The following EFCAB11 variants were observed in gnomAD, a reference collection of about 807,000 sequenced individuals.
The protein encoded by EFCAB11 is EF-hand calcium-binding domain-containing protein 11.
Under a neutral mutation model 23.0 loss-of-function variants are expected in EFCAB11, and 14 were observed. The ratio of observed to expected loss-of-function variants is 0.61; its 90% confidence interval spans 0.40 to 0.95. The LOEUF is 0.95. EFCAB11 is among the 40% of genes least tolerant of loss of function. The pLI is 0.00. For missense variants in EFCAB11, 198 were observed against 195.8 expected (o/e 1.01, Z -0.07); for synonymous variants, 65 against 66.6 (o/e 0.98, Z 0.11).
At chr14:89,858,875 A>G (rs547343312) in intron 5 of EFCAB11, among the ~76,000 whole-genome samples, 2 of 152,228 alleles carry the variant, frequency 1.3e-5, no homozygotes, top group Admixed American at 1.3e-4. Flanking sequence ...AATACGATAT[A>G]CATAAGAGTG....
intron 5 of EFCAB11, among the ~76,000 whole-genome samples, chr14:89,807,690 T>C (rs892164815): frequency 1.3e-4 from 20 of 152,216 alleles, no homozygotes; most frequent in Non-Finnish European, 4.4e-5. Context: ...AAATAATGCT[T>C]ATTTTAATAG....
intron 5 of EFCAB11, among the ~76,000 whole-genome samples, chr14:89,891,386 CT>C (rs1221185689): frequency 6.6e-6 from 1 of 152,076 alleles, no homozygotes; most frequent in African/African-American, 2.4e-5. Flanking sequence ...TGTTTATAAC[CT>C]TTTAATACCT....
chr14:89,856,882 CT>C (rs975502781), intron 5 of EFCAB11, among the ~76,000 whole-genome samples: 6 of 152,150 alleles, frequency 3.9e-5, no homozygotes, highest in African/African-American at 1.2e-4. Context: ...TTTCAAGACC[CT>C]TTTATCCAAT....
At chr14:89,874,343 G>A (rs1018999334) in intron 5 of EFCAB11, among the ~76,000 whole-genome samples, 4 of 152,192 alleles carry the variant, frequency 2.6e-5, no homozygotes, top group African/African-American at 9.7e-5. Flanking sequence ...CTGGGCCTGC[G>A]ATGGGAGGGG....
chr14:89,874,483 C>CT (rs1888373977), intron 5 of EFCAB11, among the ~76,000 whole-genome samples: 2 of 152,182 alleles, frequency 1.3e-5, no homozygotes. Flanking sequence ...ATGGGTTTTT[C>CT]TTTTCTATTG....
chr14:89,892,385 A>C, intron 5 of EFCAB11: 1 of 1,604,320 alleles, frequency 6.2e-7, no homozygotes, highest in East Asian at 2.2e-5. Flanking sequence ...GCTCATCCAC[A>C]AGACCCAAAT....
intron 5 of EFCAB11, among the ~76,000 whole-genome samples, chr14:89,819,000 G>C (rs1180692455): frequency 6.6e-6 from 1 of 152,120 alleles, no homozygotes; most frequent in African/African-American, 2.4e-5. Flanking sequence ...TCTACCACAC[G>C]GTCCAGCCAT....
At chr14:89,809,039 T>C (rs1300213196) in intron 5 of EFCAB11, among the ~76,000 whole-genome samples, 1 of 152,210 alleles carries the variant, frequency 6.6e-6, no homozygotes, top group Non-Finnish European at 1.5e-5. Flanking sequence ...AAAGTTGGTA[T>C]GGAGATGGGA....
chr14:89,842,111 C>T (rs1887288119), intron 5 of EFCAB11, among the ~76,000 whole-genome samples: 1 of 152,124 alleles, frequency 6.6e-6, no homozygotes, highest in African/African-American at 2.4e-5. Flanking sequence ...CTAGCCACAC[C>T]CAACCATTTA....
At chr14:89,910,590 C>G (rs934181865) in intron 5 of EFCAB11, among the ~76,000 whole-genome samples, 2 of 148,836 alleles carry the variant, frequency 1.3e-5, no homozygotes, top group African/African-American at 5.0e-5. Context: ...GAATGAGAAT[C>G]TGTCTCAAAT....
At chr14:89,880,153 T>C (rs568544548) in intron 5 of EFCAB11, among the ~76,000 whole-genome samples, 1 of 152,162 alleles carries the variant, frequency 6.6e-6, no homozygotes, top group Non-Finnish European at 1.5e-5. Flanking sequence ...TAATAACCAA[T>C]GTGATGGTAT....
rs1017506087 is a variant in EFCAB11, at chr14:89,913,008, T to C, written c.410+18533A>G. Among the ~76,000 whole-genome samples the C allele has an allele frequency of 4.6e-5, 7 of 152,326 alleles. 1 individual carries two copies. In the Middle Eastern group the frequency reaches 0.014, roughly 296 times the overall value. ...AAGAAGCACAAAACAATGAGGTCATTTTTAGTGGGGAACAAACTCAGAAAT... is the reference window on the plus strand; with the variant it reads ...AAGAAGCACAAAACAATGAGGTCATCTTTAGTGGGGAACAAACTCAGAAAT... On this transcript the variant is annotated intron_variant, in intron 5 of 5. Transcript: ENST00000316738.
At chr14:89,918,743 CAT>C (rs1889930271) in intron 5 of EFCAB11, among the ~76,000 whole-genome samples, 1 of 151,728 alleles carries the variant, frequency 6.6e-6, no homozygotes, top group African/African-American at 2.4e-5. Context: ...GATTTGATCT[CAT>C]ATGACAACTC....
At chr14:89,941,497 A>C (rs1192732082) in intron 3 of EFCAB11, among the ~76,000 whole-genome samples, 1 of 152,116 alleles carries the variant, frequency 6.6e-6, no homozygotes, top group Non-Finnish European at 1.5e-5. Context: ...TCTGGTACTT[A>C]CTAGCTACCG....
intron 5 of EFCAB11, among the ~76,000 whole-genome samples, chr14:89,838,542 G>A (rs1480362399): frequency 6.6e-6 from 1 of 151,488 alleles, no homozygotes; most frequent in Non-Finnish European, 1.5e-5. Flanking sequence ...TTCAGAAGGA[G>A]AGAAAATATT....
chr14:89,805,442 T>C (rs2896116), intron 5 of EFCAB11, among the ~76,000 whole-genome samples: 4,244 of 152,304 alleles, frequency 0.028, 204 homozygotes, highest in African/African-American at 0.096. Flanking sequence ...GGAATTTTGC[T>C]TGCAAGTTGA....
At chr14:89,951,754 CAAA>C (rs112997885) in intron 2 of EFCAB11, among the ~76,000 whole-genome samples, 1 of 116,016 alleles carries the variant, frequency 8.6e-6, no homozygotes, top group Non-Finnish European at 1.9e-5. Context: ...ACTAAAAACA[CAAA>C]AAAAAAAAAA....
chr14:89,800,187 G>GCAAACAAA (rs1885728013), intron 5 of EFCAB11, among the ~76,000 whole-genome samples: 1 of 98,564 alleles, frequency 1.0e-5, no homozygotes, highest in Non-Finnish European at 2.1e-5. Context: ...ACTCAATCTC[G>GCAAACAAA]TAAACAAACA....
chr14:89,797,118 A>T lies in EFCAB11; in HGVS notation c.*125T>A, dbSNP rs1037338130. On this transcript the variant is annotated 3_prime_UTR_variant, in exon 6 of 6. Coordinates refer to ENST00000316738, the MANE Select transcript of EFCAB11 (RefSeq NM_145231.4). ...ATACATATGCACCTACTATGTACCC[A>T]CAAAAATTAAAAATTTTTAAATGTT... 24 of 828,760 alleles carry T rather than the reference A, an allele frequency of 2.9e-5. No individual in the cohort carries two copies. Among genetic ancestry groups the T allele is most frequent in the Non-Finnish European group, 3.7e-5 (20 of 547,828 alleles). The allele number at this position is 828,760 out of a possible 1,614,324, so 51.3% of individuals were successfully genotyped here. A position where few individuals can be genotyped will look rare whatever the true frequency, so the allele number is the denominator to read the frequency against.
Sources: gnomAD v4.1 joint callset for allele counts (sites outside exome capture counted in the v4.1 genomes callset) on GRCh38, gnomAD v4.1.1 for gene constraint, MANE v1.5 for transcripts, NCBI Gene and HGNC (gene_info 2026-07-23, HGNC 2026-07-21) for gene names.